Variants in EXOC6 observed in about 807,000 individuals in gnomAD.
The protein encoded by EXOC6 is exocyst complex component 6, also known as SEC15-like 1.
A neutral mutation model predicts 112.5 loss-of-function variants in EXOC6; 60 were observed. That is an observed-to-expected ratio of 0.53 (90% CI 0.43 to 0.66). The LOEUF (loss-of-function observed/expected upper bound fraction) is 0.66. Ranked by LOEUF, EXOC6 falls within the 30% of genes least tolerant of loss-of-function variation. EXOC6 has a pLI of 0.00. For synonymous variants in EXOC6, 295 were observed against 308.0 expected, an observed-to-expected ratio of 0.96 and a Z score of 0.44; for missense variants, 855 against 957.1, an observed-to-expected ratio of 0.89 and a Z score of 1.41.
chr10:93,045,320 T>G (rs1024279714), intron 20 of EXOC6, among the ~76,000 whole-genome samples: 3 of 152,258 alleles, frequency 2.0e-5, no homozygotes, highest in African/African-American at 7.2e-5. Context: ...TTAATCTAGC[T>G]GTTGGATTCT....
At chr10:92,940,865 T>G in intron 13 of EXOC6, 41 bp downstream of exon 13, 1 of 1,273,282 alleles carries the variant, frequency 7.9e-7, no homozygotes, top group Non-Finnish European at 1.1e-6. Context: ...TGAATATGTT[T>G]GTCAAATGCT....
intron 19 of EXOC6, among the ~76,000 whole-genome samples, chr10:93,004,136 G>A (rs971611399): frequency 6.6e-6 from 1 of 152,182 alleles, no homozygotes; most frequent in Non-Finnish European, 1.5e-5. Flanking sequence ...ACCTTCATCA[G>A]TGGGAATGGA....
intron 17 of EXOC6, among the ~76,000 whole-genome samples, chr10:92,970,310 A>G (rs947203174): frequency 2.0e-5 from 3 of 152,170 alleles, no homozygotes; most frequent in Non-Finnish European, 4.4e-5. Context: ...TATACCCTAA[A>G]CAATACAGTG....
At chr10:92,965,624 C>T (rs1842013987) in intron 17 of EXOC6, among the ~76,000 whole-genome samples, 1 of 152,230 alleles carries the variant, frequency 6.6e-6, no homozygotes, top group East Asian at 1.9e-4. Context: ...ATTACTAAAT[C>T]GTTAGTAATC....
chr10:92,827,753 A>T (rs1846410361), intron 1 of EXOC6, among the ~76,000 whole-genome samples: 1 of 152,168 alleles, frequency 6.6e-6, no homozygotes, highest in Admixed American at 6.5e-5. Flanking sequence ...GCTAAAGGTC[A>T]TTCTAGGCTC....
chr10:92,854,177 C>A (rs1847486795), intron 1 of EXOC6, among the ~76,000 whole-genome samples: 1 of 152,116 alleles, frequency 6.6e-6, no homozygotes, highest in Non-Finnish European at 1.5e-5. Flanking sequence ...TAGTGGCTCA[C>A]ACCTGTAATC....
chr10:92,998,553 C>T (rs1843597751), intron 19 of EXOC6, among the ~76,000 whole-genome samples: 1 of 148,794 alleles, frequency 6.7e-6, no homozygotes, highest in Non-Finnish European at 1.5e-5. Context: ...AGGCATTGTG[C>T]TAGGAAAAAC....
At chr10:92,863,811 A>T (rs1415232344) in intron 1 of EXOC6, among the ~76,000 whole-genome samples, 1 of 151,272 alleles carries the variant, frequency 6.6e-6, no homozygotes. Context: ...GCTACTCGAG[A>T]GGCTGAGACA....
At chr10:92,855,990 G>A (rs575638434) in intron 1 of EXOC6, among the ~76,000 whole-genome samples, 45 of 152,018 alleles carry the variant, frequency 3.0e-4, no homozygotes, top group Admixed American at 1.2e-3. Context: ...TCAGCCTCTC[G>A]ACTAGCTGGG....
intron 5 of EXOC6, chr10:92,899,935 T>C (rs896304648): frequency 7.0e-6 from 2 of 283,780 alleles, no homozygotes; most frequent in Non-Finnish European, 1.3e-5. Context: ...TAATATTGCA[T>C]GTAACTAAGG....
chr10:92,832,918 T>C (rs1846536235), upstream of EXOC6, among the ~76,000 whole-genome samples: 1 of 152,078 alleles, frequency 6.6e-6, no homozygotes, highest in African/African-American at 2.4e-5. Flanking sequence ...CCGCCTCGGA[T>C]TCCCAAAGTG....
intron 1 of EXOC6, among the ~76,000 whole-genome samples, chr10:92,879,338 G>A (rs1340762554): frequency 6.6e-6 from 1 of 152,142 alleles, no homozygotes; most frequent in Non-Finnish European, 1.5e-5. Flanking sequence ...GCATGGTGGT[G>A]CACGCCTGTG....
At chr10:92,910,100 T>C (rs1157404847) in intron 6 of EXOC6, among the ~76,000 whole-genome samples, 1 of 152,176 alleles carries the variant, frequency 6.6e-6, no homozygotes, top group Non-Finnish European at 1.5e-5. Context: ...AGGAAGTCAA[T>C]ATATCTACCT....
intron 19 of EXOC6, among the ~76,000 whole-genome samples, chr10:93,008,205 C>T: frequency 6.6e-6 from 1 of 151,954 alleles, no homozygotes; most frequent in East Asian, 1.9e-4. Context: ...AATTTGAAAT[C>T]ATTTATTATT....
At chr10:92,923,654 A>G (rs1851560400) in intron 8 of EXOC6, among the ~76,000 whole-genome samples, 1 of 152,168 alleles carries the variant, frequency 6.6e-6, no homozygotes, top group Non-Finnish European at 1.5e-5. Flanking sequence ...CATCCAGGAG[A>G]GAAACCAAAG....
intron 1 of EXOC6, among the ~76,000 whole-genome samples, chr10:92,855,829 A>G (rs1564775097): frequency 6.6e-6 from 1 of 151,404 alleles, no homozygotes; most frequent in African/African-American, 2.4e-5. Context: ...TCAAAGAACC[A>G]ACTCTCTGTT....
At chr10:92,859,435 G>A (rs76079539) in intron 1 of EXOC6, among the ~76,000 whole-genome samples, 3,538 of 152,232 alleles carry the variant, frequency 0.023, 66 homozygotes, top group African/African-American at 0.045. Context: ...CATCACATTC[G>A]GCTGTTAGAT....
intron 1 of EXOC6, among the ~76,000 whole-genome samples, chr10:92,863,030 A>T (rs1380031936): frequency 6.6e-6 from 1 of 152,248 alleles, no homozygotes; most frequent in Non-Finnish European, 1.5e-5. Flanking sequence ...AGCCTATAGC[A>T]GAGCTTTTAG....
intron 1 of EXOC6, among the ~76,000 whole-genome samples, chr10:92,883,323 T>C (rs1849054322): frequency 6.6e-6 from 1 of 152,226 alleles, no homozygotes; most frequent in South Asian, 2.1e-4. Context: ...TGTTTCTTTG[T>C]GTTTGCTTTA....
Sources: allele counts gnomAD v4.1 joint callset (sites outside exome capture counted in the v4.1 genomes callset), GRCh38; gene constraint gnomAD v4.1.1; transcripts MANE v1.5; gene names NCBI Gene and HGNC (gene_info 2026-07-23, HGNC 2026-07-21).